The following PDE1C variants were observed in gnomAD, a reference collection of about 807,000 sequenced individuals.
The protein encoded by PDE1C is dual specificity calcium/calmodulin-dependent 3',5'-cyclic nucleotide phosphodiesterase 1C.
PDE1C carries 62 observed loss-of-function variants against 93.1 expected under a neutral mutation model. That is an observed-to-expected ratio of 0.67 (90% CI 0.54 to 0.82). The LOEUF is 0.82. Among genes scored for constraint, PDE1C ranks in the 40% least tolerant of loss-of-function variants. The pLI, the probability that PDE1C is intolerant of heterozygous loss-of-function variation, is 0.00. For synonymous variants in PDE1C, 325 were observed against 310.1 expected (o/e 1.05, Z -0.50); for missense variants, 742 against 884.6 (o/e 0.84, Z 2.04).
At chr7:32,365,634 C>T (rs975928057) in intron 1 of PDE1C, among the ~76,000 whole-genome samples, 13 of 152,186 alleles carry the variant, frequency 8.5e-5, no homozygotes, top group African/African-American at 2.7e-4. Flanking sequence ...GTGAGGCAAG[C>T]TCCCAGGCCA....
At chr7:31,747,603 C>A (rs988261902), downstream of PDE1C, among the ~76,000 whole-genome samples, 1 of 152,102 alleles carries the variant, frequency 6.6e-6, no homozygotes, top group African/African-American at 2.4e-5. Flanking sequence ...ACAAGGCTGG[C>A]CTACACTGGA....
At chr7:32,102,567 T>A (rs1296312974) in intron 3 of PDE1C, among the ~76,000 whole-genome samples, 1 of 152,172 alleles carries the variant, frequency 6.6e-6, no homozygotes, top group South Asian at 2.1e-4. Flanking sequence ...AAATGTCAAT[T>A]CCCTTCCCTG....
At chr7:31,781,312 CATT>C (rs1783394286) in intron 16 of PDE1C, among the ~76,000 whole-genome samples, 1 of 152,222 alleles carries the variant, frequency 6.6e-6, no homozygotes, top group Admixed American at 6.5e-5. Context: ...CAAACATCAT[CATT>C]ATTAATGGTC....
At chr7:32,061,054 C>G (rs1452192676) in intron 1 of PDE1C, among the ~76,000 whole-genome samples, 2 of 152,196 alleles carry the variant, frequency 1.3e-5, no homozygotes, top group Non-Finnish European at 2.9e-5. Flanking sequence ...TAATCTTTCA[C>G]TTCCATATTT....
chr7:31,780,965 A>G (rs1330646592), intron 16 of PDE1C, among the ~76,000 whole-genome samples: 3 of 152,232 alleles, frequency 2.0e-5, no homozygotes, highest in Non-Finnish European at 4.4e-5. Context: ...AGCTAGGGGC[A>G]GAGATGTCAC....
At chr7:31,888,061 A>G (rs562045344) in intron 2 of PDE1C, among the ~76,000 whole-genome samples, 2 of 152,064 alleles carry the variant, frequency 1.3e-5, no homozygotes, top group South Asian at 4.2e-4. Flanking sequence ...ATACTGGCTA[A>G]CATGGTGAAA....
intron 2 of PDE1C, among the ~76,000 whole-genome samples, chr7:31,953,740 T>A (rs1252613341): frequency 1.3e-5 from 2 of 151,930 alleles, no homozygotes; most frequent in African/African-American, 4.8e-5. Context: ...TGTTTTGAGA[T>A]CCACATTAAC....
chr7:31,734,088 A>C, the PDE1C span, among the ~76,000 whole-genome samples: 1 of 152,048 alleles, frequency 6.6e-6, no homozygotes, highest in African/African-American at 2.4e-5. Flanking sequence ...CCACCACCAA[A>C]ACTTGATTCA....
At chr7:31,731,961 C>T in the PDE1C span, among the ~76,000 whole-genome samples, 24 of 152,202 alleles carry the variant, frequency 1.6e-4, no homozygotes, top group Admixed American at 1.4e-3. Context: ...CAGCAGGACT[C>T]GCCCCATTGG....
At chr7:31,978,549 G>A (rs996810247) in intron 2 of PDE1C, among the ~76,000 whole-genome samples, 1 of 152,208 alleles carries the variant, frequency 6.6e-6, no homozygotes, top group South Asian at 2.1e-4. Context: ...ATCAGACAGA[G>A]TAAGAAGCCT....
chr7:31,665,386 C>T, the PDE1C span, among the ~76,000 whole-genome samples: 2 of 152,134 alleles, frequency 1.3e-5, no homozygotes, highest in Admixed American at 1.3e-4. Flanking sequence ...TCTTTATTAG[C>T]TGTCTCTCCT....
chr7:31,699,087 T>A, the PDE1C span, among the ~76,000 whole-genome samples: 3 of 152,200 alleles, frequency 2.0e-5, no homozygotes, highest in Non-Finnish European at 4.4e-5. Context: ...ATTAAATATT[T>A]GGTGCTAAAG....
Position 32,085,621 on chromosome 7 carries a change from C to T in PDE1C, c.308+84164G>A, listed in dbSNP as rs1354572728. On this transcript the variant is annotated intron_variant, in intron 3 of 18. Transcript: ENST00000396193. Reference sequence around the variant, plus strand: ...AATCCTCAATAAAATACTGGCAAACCGAATCCAGCAGCACATCAAAAAGCT... The same window carrying T: ...AATCCTCAATAAAATACTGGCAAACTGAATCCAGCAGCACATCAAAAAGCT... 3.1e-3 allele frequency among the ~76,000 whole-genome samples: 440 copies of T among 142,130 alleles called. 1 individual carries two copies. The highest frequency in any genetic ancestry group is 0.011 in the African/African-American group (414 of 38,108). 93.2% of individuals were successfully genotyped at this position (142,130 alleles called of 152,430 possible).
intron 9 of PDE1C, among the ~76,000 whole-genome samples, chr7:31,838,569 T>A (rs1415041818): frequency 6.6e-6 from 1 of 152,178 alleles, no homozygotes; most frequent in East Asian, 1.9e-4. Context: ...TCACTGGGCA[T>A]GCTGTACAGT....
Position 31,942,311 on chromosome 7 carries a change from T to A in PDE1C, c.129-61451A>T, listed in dbSNP as rs535032845. Among the ~76,000 whole-genome samples the A allele has an allele frequency of 6.6e-5, 10 of 152,264 alleles. No homozygotes were observed. In the South Asian group the frequency reaches 2.1e-3, roughly 32 times the overall value. On this transcript the variant is annotated intron_variant, in intron 2 of 17. Coordinates refer to ENST00000396191, the MANE Select transcript of PDE1C (RefSeq NM_001191057.4). ...AAGCTCTCCAGGAAAAGTATCAGTT[T>A]CAGGGTCACTAGCTCCCATATTATG... is the stretch of plus-strand genomic sequence containing the variant.
rs1263565562 is a variant in PDE1C at position 31,752,632 on chromosome 7, T to A, written c.*752A>T. 1 of 152,150 alleles carries A rather than the reference T, an allele frequency of 6.6e-6. No individual in the cohort carries two copies. The highest frequency in any genetic ancestry group is 6.6e-5 in the Admixed American group (1 of 15,266). 9.4% of individuals were successfully genotyped at this position (152,150 alleles called of 1,614,324 possible). ...GATTTTTTGTATCATCTACTGTGGG[T>A]AGAAGTAAAAGATTAGAGGAAAATG... On this transcript the variant is annotated 3_prime_UTR_variant, in exon 18 of 18. Transcript: ENST00000396191.
Position 32,205,246 on chromosome 7 carries a change from T to G in PDE1C, c.136+4243A>C, listed in dbSNP as rs143322865. Among the ~76,000 whole-genome samples, 31 of 152,348 alleles carry G rather than the reference T, an allele frequency of 2.0e-4. 1 individual carries two copies. The East Asian group carries it at 4.1e-3, about 20-fold the overall frequency. ...TCCATGACCAGCATCTGTTCTGATG[T>G]TCAGTGACCACGTCACATGTTTTCA... On this transcript the variant is annotated intron_variant, in intron 2 of 18. Coordinates refer to the PDE1C transcript ENST00000396193.
chr7:32,057,723 CG>C (rs1473313884), intron 1 of PDE1C, among the ~76,000 whole-genome samples: 1 of 152,096 alleles, frequency 6.6e-6, no homozygotes, highest in Non-Finnish European at 1.5e-5. Flanking sequence ...AGGCAAACAG[CG>C]AGAAACAACA....
intron 9 of PDE1C, among the ~76,000 whole-genome samples, chr7:31,839,637 T>C (rs1042587399): frequency 6.6e-6 from 1 of 152,232 alleles, no homozygotes; most frequent in African/African-American, 2.4e-5. Flanking sequence ...ATAAAGCTAC[T>C]ATGGGTATTC....
Sources: gnomAD v4.1 joint callset for allele counts (sites outside exome capture counted in the v4.1 genomes callset) on GRCh38, gnomAD v4.1.1 for gene constraint, MANE v1.5 for transcripts, NCBI Gene and HGNC (gene_info 2026-07-23, HGNC 2026-07-21) for gene names.